Variants in TPTE2 observed in about 807,000 individuals in gnomAD.
The protein encoded by TPTE2 is phosphatidylinositol 3,4,5-trisphosphate 3-phosphatase TPTE2.
Under a neutral mutation model 78.6 loss-of-function variants are expected in TPTE2, and 53 were observed. The ratio of observed to expected loss-of-function variants is 0.67; its 90% CI spans 0.54 to 0.85. TPTE2 has a LOEUF of 0.85. Among genes scored for constraint, TPTE2 ranks in the 40% least tolerant of loss-of-function variants. The pLI, the probability that TPTE2 is intolerant of heterozygous loss-of-function variation, is 0.00. For missense variants in TPTE2, 461 were observed against 623.0 expected (o/e 0.74, Z 2.77); for synonymous variants, 175 against 206.2 (o/e 0.85, Z 1.30).
At chr13:19,545,597 T>C in the TPTE2 span, among the ~76,000 whole-genome samples, 3 of 152,158 alleles carry the variant, frequency 2.0e-5, no homozygotes, top group Admixed American at 6.5e-5. Context: ...AGAGCTCTCA[T>C]TGGAGAAACT....
intron 4 of TPTE2, among the ~76,000 whole-genome samples, chr13:19,477,976 G>T (rs909822283): frequency 3.3e-5 from 5 of 152,154 alleles, no homozygotes; most frequent in Non-Finnish European, 5.9e-5. Flanking sequence ...TACTCAAAGT[G>T]CTTGAGTCAG....
chr13:19,432,933 G>T (rs1876781486), intron 15 of TPTE2, among the ~76,000 whole-genome samples: 1 of 152,174 alleles, frequency 6.6e-6, no homozygotes, highest in Admixed American at 6.5e-5. Flanking sequence ...AAGGCTTGTG[G>T]TTTGGTGAAG....
chr13:19,514,284 T>C (rs1869646174), intron 1 of TPTE2, among the ~76,000 whole-genome samples: 2 of 152,164 alleles, frequency 1.3e-5, no homozygotes, highest in Non-Finnish European at 2.9e-5. Context: ...AAAACAATGT[T>C]ACCAAAGATG....
chr13:19,461,579 C>T (rs1278779707), intron 10 of TPTE2, among the ~76,000 whole-genome samples: 1 of 152,072 alleles, frequency 6.6e-6, no homozygotes, highest in African/African-American at 2.4e-5. Context: ...GATGATCTGT[C>T]CGGTGGTAAG....
chr13:19,493,540 T>C lies in TPTE2; in HGVS notation c.12-39A>G, dbSNP rs185278279. 2,455 of 1,594,088 alleles carry C rather than the reference T, an allele frequency of 1.5e-3. 4 individuals are homozygous for C. The highest frequency in any genetic ancestry group is 1.9e-3 in the Non-Finnish European group (2,183 of 1,162,946). ...AGAGAATACAGTCAGAGAGGAGACA[T>C]AATTCTGAATTTATATTTTGGAAAA... On this transcript the variant is annotated intron_variant, in intron 1 of 19. Transcript: ENST00000400230.
chr13:19,436,271 A>G, exon 15 of TPTE2: 2 of 1,613,494 alleles, frequency 1.2e-6, no homozygotes, highest in South Asian at 2.2e-5. Context: ...TGTGGGTTTT[A>G]TTGGTTCGCC....
At chr13:19,553,024 T>C in the TPTE2 span, among the ~76,000 whole-genome samples, 1 of 151,368 alleles carries the variant, frequency 6.6e-6, no homozygotes, top group South Asian at 2.1e-4. Flanking sequence ...AATATGTGAC[T>C]CTGGTTTTTA....
At chr13:19,464,573 AC>A in intron 9 of TPTE2, 53 bp from the exon 13 acceptor site, 1 of 1,563,728 alleles carries the variant, frequency 6.4e-7, no homozygotes, top group Non-Finnish European at 8.6e-7. Flanking sequence ...TTCATATAAC[AC>A]AAAAAAAATT....
intron 18 of TPTE2, chr13:19,425,700 A>C (rs770353535): frequency 1.9e-6 from 1 of 513,532 alleles, no homozygotes. Flanking sequence ...CTCAGGTAGC[A>C]CCTTACATCC....
chr13:19,475,760 T>C (rs1463640781), intron 4 of TPTE2, 137 bp from the exon 8 acceptor site: 1 of 692,868 alleles, frequency 1.4e-6, no homozygotes, highest in African/African-American at 1.8e-5. Flanking sequence ...TTTTTACTAA[T>C]AGCTAAAATT....
At chr13:19,481,048 AT>A (rs1334693102) in intron 4 of TPTE2, among the ~76,000 whole-genome samples, 10 of 152,256 alleles carry the variant, frequency 6.6e-5, no homozygotes, top group Non-Finnish European at 1.3e-4. Flanking sequence ...TAACAAAAAA[AT>A]ATAGTCATGA....
chr13:19,457,556 T>C (rs1878616847), intron 10 of TPTE2, among the ~76,000 whole-genome samples: 1 of 151,546 alleles, frequency 6.6e-6, no homozygotes, highest in Non-Finnish European at 1.5e-5. Flanking sequence ...CCAGTGTGTG[T>C]TGTTCCCCAT....
At chr13:19,508,376 A>G (rs1869211327) in intron 1 of TPTE2, among the ~76,000 whole-genome samples, 1 of 152,216 alleles carries the variant, frequency 6.6e-6, no homozygotes, top group African/African-American at 2.4e-5. Flanking sequence ...AAACTACTGG[A>G]ACACACTGAC....
At chr13:19,500,648 T>C (rs1005001581) in intron 1 of TPTE2, among the ~76,000 whole-genome samples, 22 of 152,182 alleles carry the variant, frequency 1.4e-4, no homozygotes, top group Non-Finnish European at 3.2e-4. Context: ...ATGGGATGTA[T>C]TTCAAAATAA....
chr13:19,477,346 C>T (rs184839726), intron 4 of TPTE2, among the ~76,000 whole-genome samples: 131 of 150,670 alleles, frequency 8.7e-4, no homozygotes, highest in Middle Eastern at 3.4e-3. Flanking sequence ...ACAAACCCCA[C>T]GTGTACCTCC....
chr13:19,559,051 T>G, the TPTE2 span, among the ~76,000 whole-genome samples: 1 of 152,224 alleles, frequency 6.6e-6, no homozygotes, highest in Admixed American at 6.5e-5. Context: ...AAATACTGAT[T>G]GCAGATTCAT....
intron 15 of TPTE2, 74 bp from the exon 19 acceptor site, chr13:19,432,652 T>C: frequency 1.2e-6 from 1 of 805,764 alleles, no homozygotes; most frequent in East Asian, 3.0e-5. Flanking sequence ...TTTTTTTTTT[T>C]TTGCATAAAG....
At chr13:19,532,117 T>C (rs1870918725) in intron 1 of TPTE2, among the ~76,000 whole-genome samples, 1 of 152,172 alleles carries the variant, frequency 6.6e-6, no homozygotes. Flanking sequence ...GCCATTTTAA[T>C]TCTAAACCCC....
chr13:19,504,750 T>C (rs927510372), upstream of TPTE2, among the ~76,000 whole-genome samples: 1 of 152,088 alleles, frequency 6.6e-6, no homozygotes, highest in African/African-American at 2.4e-5. Flanking sequence ...GATTTATAAA[T>C]GGTGTAAAAG....
Sources: gnomAD v4.1 joint callset for allele counts (sites outside exome capture counted in the v4.1 genomes callset) on GRCh38, gnomAD v4.1.1 for gene constraint, MANE v1.5 for transcripts, NCBI Gene and HGNC (gene_info 2026-07-23, HGNC 2026-07-21) for gene names.